The following PTPRD variants were observed in gnomAD, a reference collection of about 807,000 sequenced individuals.
PTPRD encodes the protein protein tyrosine phosphatase receptor type D, also known as receptor-type tyrosine-protein phosphatase delta.
A neutral mutation model predicts 214.5 loss-of-function variants in PTPRD; 34 were observed. The observed-to-expected ratio is 0.16, with a 90% CI of 0.12 to 0.21. The LOEUF (loss-of-function observed/expected upper bound fraction) is 0.21. Ranked by LOEUF, PTPRD falls within the 10% of genes least tolerant of loss-of-function variation. The pLI is 1.00. For missense variants in PTPRD, 2,545 were observed against 2,398.7 expected (o/e 1.06, Z -1.27); for synonymous variants, 1,128 against 845.7 (o/e 1.33, Z -5.79).
At chr9:9,443,914 A>G (rs1448211070) in intron 8 of PTPRD, among the ~76,000 whole-genome samples, 2 of 152,196 alleles carry the variant, frequency 1.3e-5, no homozygotes, top group Non-Finnish European at 2.9e-5. Context: ...ACATGCACTT[A>G]TATTCATTCA....
intron 10 of PTPRD, among the ~76,000 whole-genome samples, chr9:9,155,962 T>C (rs2099880838): frequency 6.6e-6 from 1 of 152,172 alleles, no homozygotes; most frequent in Non-Finnish European, 1.5e-5. Flanking sequence ...TCAGAATTAC[T>C]ACTCCCTTAG....
At chr9:10,304,396 T>C (rs1427433505) in intron 3 of PTPRD, among the ~76,000 whole-genome samples, 2 of 152,156 alleles carry the variant, frequency 1.3e-5, no homozygotes, top group African/African-American at 4.8e-5. Flanking sequence ...CAACATAGTA[T>C]TGGAAGTTCT....
chr9:10,317,657 C>A (rs1214706622), intron 3 of PTPRD, among the ~76,000 whole-genome samples: 2 of 151,852 alleles, frequency 1.3e-5, no homozygotes, highest in Middle Eastern at 3.2e-3. Context: ...TTTTTATAAG[C>A]AATCTTAATT....
chr9:9,988,082 T>C (rs1434007231), intron 4 of PTPRD, among the ~76,000 whole-genome samples: 2 of 152,198 alleles, frequency 1.3e-5, no homozygotes, highest in Non-Finnish European at 2.9e-5. Flanking sequence ...AGAATATTTA[T>C]TTGGGAGTGT....
intron 14 of PTPRD, among the ~76,000 whole-genome samples, chr9:8,537,851 C>T (rs1359361578): frequency 6.6e-6 from 1 of 151,924 alleles, no homozygotes; most frequent in East Asian, 1.9e-4. Context: ...GAACATAAAC[C>T]CCAGTTAGAT....
At chr9:8,580,868 T>C (rs2093002354) in intron 14 of PTPRD, among the ~76,000 whole-genome samples, 1 of 152,188 alleles carries the variant, frequency 6.6e-6, no homozygotes, top group Non-Finnish European at 1.5e-5. Context: ...AGTGATCCTG[T>C]GGAAGTAGGA....
intron 14 of PTPRD, among the ~76,000 whole-genome samples, chr9:8,591,007 G>A (rs1324673755): frequency 6.6e-6 from 1 of 152,092 alleles, no homozygotes; most frequent in African/African-American, 2.4e-5. Context: ...AGTTTCTAGA[G>A]GCTGCCCACA....
chr9:9,215,019 T>C (rs1049771982), intron 9 of PTPRD, among the ~76,000 whole-genome samples: 8 of 152,204 alleles, frequency 5.3e-5, no homozygotes, highest in Admixed American at 3.3e-4. Flanking sequence ...ACACTACTTA[T>C]ATATTTGTTC....
intron 4 of PTPRD, among the ~76,000 whole-genome samples, chr9:10,007,004 C>T (rs1310214268): frequency 6.6e-6 from 1 of 151,842 alleles, no homozygotes; most frequent in Non-Finnish European, 1.5e-5. Flanking sequence ...TAACAAATCC[C>T]CATGATATAC....
intron 2 of PTPRD, among the ~76,000 whole-genome samples, chr9:10,351,519 G>A (rs990301132): frequency 6.6e-6 from 1 of 151,976 alleles, no homozygotes; most frequent in Admixed American, 6.6e-5. Flanking sequence ...AGTGATTACT[G>A]ACTGCTAAAT....
rs556107693 is a variant in PTPRD at position 9,198,257 on chromosome 9, C to T, written c.-202-14894G>A. 2.9e-4 allele frequency among the ~76,000 whole-genome samples: 44 copies of T among 152,212 alleles called. No individual in the cohort carries two copies. In the South Asian group the frequency reaches 3.3e-3, roughly 11 times the overall value. The stretch of plus-strand genomic sequence containing the variant: ...GAGATTTTTAGGCTATAAACACACA[C>T]GTGCAATTAACTGGGTTGAAAACAT... On this transcript the variant is annotated intron_variant, in intron 9 of 45. Transcript: ENST00000381196.
intron 5 of PTPRD, among the ~76,000 whole-genome samples, chr9:9,903,946 CAGTAAT>C (rs2076974720): frequency 6.6e-6 from 1 of 152,132 alleles, no homozygotes; most frequent in Non-Finnish European, 1.5e-5. Flanking sequence ...AACCTACAGA[CAGTAAT>C]AGTAACATTA....
chr9:9,330,487 T>C (rs1217893390), intron 9 of PTPRD, among the ~76,000 whole-genome samples: 1 of 152,102 alleles, frequency 6.6e-6, no homozygotes, highest in Non-Finnish European at 1.5e-5. Flanking sequence ...TTTTAATGTA[T>C]GGCCACATTA....
chr9:8,493,826 G>A (rs1186057803), intron 26 of PTPRD, among the ~76,000 whole-genome samples: 2 of 152,152 alleles, frequency 1.3e-5, no homozygotes, highest in African/African-American at 4.8e-5. Flanking sequence ...GCCCAAAGCT[G>A]TGGTGGTTAT....
At chr9:10,065,377 C>A (rs994237209) in intron 3 of PTPRD, among the ~76,000 whole-genome samples, 1 of 151,896 alleles carries the variant, frequency 6.6e-6, no homozygotes, top group Non-Finnish European at 1.5e-5. Context: ...AAAAACAAAA[C>A]ACCATGCAGC....
At chr9:9,280,197 G>A (rs1167575059) in intron 9 of PTPRD, among the ~76,000 whole-genome samples, 15 of 151,248 alleles carry the variant, frequency 9.9e-5, no homozygotes. Context: ...GAATAAGGCT[G>A]AGACTTAAGT....
intron 11 of PTPRD, among the ~76,000 whole-genome samples, chr9:8,952,530 G>T (rs922476004): frequency 6.6e-6 from 1 of 151,746 alleles, no homozygotes; most frequent in Non-Finnish European, 1.5e-5. Flanking sequence ...CCAAATTAAG[G>T]AGCATGGGGA....
chr9:9,556,705 C>A (rs2081602269), intron 8 of PTPRD, among the ~76,000 whole-genome samples: 1 of 152,220 alleles, frequency 6.6e-6, no homozygotes, highest in Non-Finnish European at 1.5e-5. Flanking sequence ...CAACCCAAAT[C>A]CTTCAAATTT....
chr9:9,677,800 G>A (rs535143247), intron 7 of PTPRD, among the ~76,000 whole-genome samples: 2 of 152,190 alleles, frequency 1.3e-5, no homozygotes, highest in Admixed American at 1.3e-4. Context: ...CAGATGACAT[G>A]ATTGTATATC....
Sources: gnomAD v4.1 joint callset for allele counts (sites outside exome capture counted in the v4.1 genomes callset) on GRCh38, gnomAD v4.1.1 for gene constraint, MANE v1.5 for transcripts, NCBI Gene and HGNC (gene_info 2026-07-23, HGNC 2026-07-21) for gene names.